NEGR1: variants seen among roughly 807,000 people sequenced by gnomAD.
The protein encoded by NEGR1 is neuronal growth regulator 1.
A neutral mutation model predicts 40.9 loss-of-function variants in NEGR1; 10 were observed. The observed-to-expected ratio is 0.24, with a 90% CI of 0.15 to 0.42. The LOEUF (loss-of-function observed/expected upper bound fraction) is 0.42, where lower values mean the gene tolerates loss of function less well. Among genes scored for constraint, NEGR1 ranks in the 10% least tolerant of loss-of-function variants. The pLI, the probability that NEGR1 is intolerant of heterozygous loss-of-function variation, is 1.00. For missense variants in NEGR1, 352 were observed against 438.9 expected, an observed-to-expected ratio of 0.80 and a Z score of 1.77; for synonymous variants, 185 against 166.8, an observed-to-expected ratio of 1.11 and a Z score of -0.84.
intron 1 of NEGR1, among the ~76,000 whole-genome samples, chr1:72,117,429 A>G (rs554273756): frequency 2.2e-4 from 33 of 151,956 alleles, no homozygotes; most frequent in African/African-American, 7.7e-4. Context: ...ATACAGCTAT[A>G]AGGTAAACCA....
chr1:71,876,556 G>GAAGGAAGGAAGGAAGGATGGGAGGGAGGC (rs1317018581), intron 2 of NEGR1, among the ~76,000 whole-genome samples: 13 of 149,840 alleles, frequency 8.7e-5, no homozygotes, highest in Admixed American at 6.0e-4. Flanking sequence ...AGAGAGAGGA[G>GAAGGAAGGAAGGAAGGATGGGAGGGAGGC]AAGGAAGGAA....
intron 6 of NEGR1, among the ~76,000 whole-genome samples, chr1:71,458,076 C>A (rs1646687113): frequency 6.6e-6 from 1 of 152,098 alleles, no homozygotes. Flanking sequence ...ATATACAAGT[C>A]TTTTATCCTA....
intron 6 of NEGR1, among the ~76,000 whole-genome samples, chr1:71,522,661 A>C (rs1361877052): frequency 6.6e-6 from 1 of 151,540 alleles, no homozygotes; most frequent in African/African-American, 2.4e-5. Context: ...GGGCCTAGTC[A>C]GCTTGCCCTC....
intron 2 of NEGR1, among the ~76,000 whole-genome samples, chr1:71,787,442 T>G (rs76539429): frequency 6.6e-6 from 1 of 152,162 alleles, no homozygotes; most frequent in Admixed American, 6.6e-5. Context: ...TACATACATA[T>G]TGTGATTGAT....
chr1:72,143,375 C>G (rs1035637155), intron 1 of NEGR1, among the ~76,000 whole-genome samples: 7 of 151,774 alleles, frequency 4.6e-5, no homozygotes, highest in Admixed American at 3.3e-4. Context: ...GTTCACAAAT[C>G]AAGACAGTCA....
intron 2 of NEGR1, among the ~76,000 whole-genome samples, chr1:71,781,551 G>C (rs1656717831): frequency 6.6e-6 from 1 of 152,180 alleles, no homozygotes; most frequent in African/African-American, 2.4e-5. Flanking sequence ...TCTTTAGGAT[G>C]CCAGGGCTAA....
intron 3 of NEGR1, among the ~76,000 whole-genome samples, chr1:71,700,483 T>A (rs777298499): frequency 7.2e-5 from 11 of 152,050 alleles, no homozygotes; most frequent in Non-Finnish European, 1.5e-4. Flanking sequence ...ATCTGAAAGA[T>A]GCTATTTGTA....
chr1:71,981,642 T>C (rs1338412608), intron 1 of NEGR1, among the ~76,000 whole-genome samples: 1 of 152,102 alleles, frequency 6.6e-6, no homozygotes, highest in Admixed American at 6.6e-5. Context: ...TGATAGGCTT[T>C]ACAAGGTTTA....
At chr1:72,199,439 T>G (rs958579434) in intron 1 of NEGR1, among the ~76,000 whole-genome samples, 1 of 151,952 alleles carries the variant, frequency 6.6e-6, no homozygotes, top group Admixed American at 6.6e-5. Flanking sequence ...AGCTAATAAG[T>G]GGAGAAATTG....
intron 2 of NEGR1, among the ~76,000 whole-genome samples, chr1:71,849,300 T>A (rs1476318251): frequency 6.6e-6 from 1 of 152,158 alleles, no homozygotes; most frequent in African/African-American, 2.4e-5. Context: ...CCCTCAAGGA[T>A]GACTTTGAGG....
At chr1:72,002,072 C>G (rs1329262971) in intron 1 of NEGR1, among the ~76,000 whole-genome samples, 2 of 151,994 alleles carry the variant, frequency 1.3e-5, no homozygotes, top group African/African-American at 4.8e-5. Flanking sequence ...TTTGCTACTA[C>G]TTCTCAGAGT....
At chr1:72,207,049 A>C (rs374456104) in intron 1 of NEGR1, among the ~76,000 whole-genome samples, 363 of 151,618 alleles carry the variant, frequency 2.4e-3, no homozygotes, top group South Asian at 5.4e-3. Flanking sequence ...ATTGGAAATA[A>C]GTGTTTGAAG....
chr1:71,457,224 C>T, intron 6 of NEGR1, among the ~76,000 whole-genome samples: 1 of 152,188 alleles, frequency 6.6e-6, no homozygotes. Context: ...CCGTTCTCCC[C>T]ACTACCTGGC....
At chr1:71,961,260 T>A (rs900794775) in intron 1 of NEGR1, among the ~76,000 whole-genome samples, 1 of 152,156 alleles carries the variant, frequency 6.6e-6, no homozygotes, top group African/African-American at 2.4e-5. Context: ...AGCAATTCCT[T>A]TTCCTGTCTC....
chr1:71,448,032 A>T (rs897258129), intron 6 of NEGR1, among the ~76,000 whole-genome samples: 2 of 152,202 alleles, frequency 1.3e-5, no homozygotes, highest in African/African-American at 4.8e-5. Flanking sequence ...ATGAAATGGG[A>T]AAGAACAAAC....
intron 1 of NEGR1, among the ~76,000 whole-genome samples, chr1:72,140,533 C>T (rs1650632445): frequency 6.6e-6 from 1 of 151,908 alleles, no homozygotes; most frequent in Admixed American, 6.6e-5. Context: ...GCCCAGATGA[C>T]CTAATCACCT....
chr1:71,880,007 C>A (rs1660537989), intron 2 of NEGR1, among the ~76,000 whole-genome samples: 1 of 151,990 alleles, frequency 6.6e-6, no homozygotes, highest in African/African-American at 2.4e-5. Flanking sequence ...ATATGTTAAC[C>A]TTAGTATTTC....
At chr1:71,587,664 G>GCACACACA (rs67250351) in intron 6 of NEGR1, among the ~76,000 whole-genome samples, 4 of 150,570 alleles carry the variant, frequency 2.7e-5, no homozygotes, top group African/African-American at 9.8e-5. Flanking sequence ...ACACACACAT[G>GCACACACA]CACACACACA....
At chr1:72,022,665 C>T (rs1646771602) in intron 1 of NEGR1, among the ~76,000 whole-genome samples, 1 of 151,822 alleles carries the variant, frequency 6.6e-6, no homozygotes, top group Non-Finnish European at 1.5e-5. Context: ...GAACATGACC[C>T]GGTATTTGCT....
Sources: allele counts gnomAD v4.1 joint callset (sites outside exome capture counted in the v4.1 genomes callset), GRCh38; gene constraint gnomAD v4.1.1; transcripts MANE v1.5; gene names NCBI Gene and HGNC (gene_info 2026-07-23, HGNC 2026-07-21).